RARB: variants seen among roughly 807,000 people sequenced by gnomAD.
The protein encoded by RARB is HBV-activated protein.
A neutral mutation model predicts 51.9 loss-of-function variants in RARB; 17 were observed. The observed-to-expected ratio is 0.33, with a 90% CI of 0.22 to 0.49. The LOEUF (loss-of-function observed/expected upper bound fraction) is 0.49, where lower values mean the gene tolerates loss of function less well. Ranked by LOEUF, RARB falls within the 20% of genes least tolerant of loss-of-function variation. The pLI is 0.99. For synonymous variants in RARB, 215 were observed against 195.4 expected (o/e 1.10, Z -0.84); for missense variants, 369 against 550.8 (o/e 0.67, Z 3.30).
intron 2 of RARB, among the ~76,000 whole-genome samples, chr3:24,864,384 C>T (rs752297035): frequency 4.8e-4 from 73 of 152,252 alleles, no homozygotes; most frequent in Non-Finnish European, 9.0e-4. Context: ...TGTTGGTAGG[C>T]CTCTGGATAC....
chr3:25,239,770 C>T (rs1357048432), intron 5 of RARB, among the ~76,000 whole-genome samples: 1 of 152,008 alleles, frequency 6.6e-6, no homozygotes, highest in Non-Finnish European at 1.5e-5. Context: ...TTCAGGGTTG[C>T]TTTGGTTATT....
intron 5 of RARB, among the ~76,000 whole-genome samples, chr3:25,405,511 G>T (rs1707381527): frequency 6.6e-6 from 1 of 152,194 alleles, no homozygotes; most frequent in South Asian, 2.1e-4. Context: ...CACCTGGCTT[G>T]TTATGTGGCT....
At chr3:25,502,190 G>A (rs749857377) in intron 3 of RARB, among the ~76,000 whole-genome samples, 75 of 152,146 alleles carry the variant, frequency 4.9e-4, no homozygotes, top group Non-Finnish European at 7.9e-4. Flanking sequence ...TGGGTGCTGC[G>A]TGGGGACCCT....
At chr3:24,974,874 C>G (rs561115593) in intron 2 of RARB, among the ~76,000 whole-genome samples, 1 of 152,196 alleles carries the variant, frequency 6.6e-6, no homozygotes, top group South Asian at 2.1e-4. Flanking sequence ...GCTCTCTAGT[C>G]AGGGCTGTCC....
At chr3:25,118,983 A>G (rs1350840729) in intron 3 of RARB, among the ~76,000 whole-genome samples, 1 of 152,152 alleles carries the variant, frequency 6.6e-6, no homozygotes, top group African/African-American at 2.4e-5. Flanking sequence ...GCTTTGACCA[A>G]TGTCATTCCC....
At chr3:24,922,066 G>C (rs936483192) in intron 2 of RARB, among the ~76,000 whole-genome samples, 1 of 152,158 alleles carries the variant, frequency 6.6e-6, no homozygotes, top group African/African-American at 2.4e-5. Flanking sequence ...ATTTTGCTAA[G>C]GTGTCATTTC....
intron 3 of RARB, among the ~76,000 whole-genome samples, chr3:25,125,304 A>G (rs1699843881): frequency 6.6e-6 from 1 of 152,206 alleles, no homozygotes; most frequent in South Asian, 2.1e-4. Context: ...TTCATTCAAC[A>G]AATAGTTATT....
chr3:25,104,167 C>T (rs948330664), intron 3 of RARB, among the ~76,000 whole-genome samples: 2 of 152,142 alleles, frequency 1.3e-5, no homozygotes, highest in African/African-American at 2.4e-5. Context: ...ATTAAAACCA[C>T]AATGTGATTA....
At chr3:24,903,267 A>C (rs905138486) in intron 2 of RARB, among the ~76,000 whole-genome samples, 2 of 152,082 alleles carry the variant, frequency 1.3e-5, no homozygotes, top group African/African-American at 4.8e-5. Context: ...AGGAAATAAT[A>C]ATCATAAAAA....
chr3:25,118,682 C>G (rs1699730800), intron 3 of RARB, among the ~76,000 whole-genome samples: 2 of 151,930 alleles, frequency 1.3e-5, no homozygotes. Context: ...AAATTAATAT[C>G]TTGCTGAAGT....
At position 24,863,456 on chromosome 3, in the gene RARB, G is replaced by A. The variant is rs570350236; in HGVS notation, c.-380+4704G>A. Among the ~76,000 whole-genome samples, 12 of 152,288 alleles carry A rather than the reference G, an allele frequency of 7.9e-5. 1 individual carries two copies. In the South Asian group the frequency reaches 1.9e-3, roughly 24 times the overall value. On this transcript the variant is annotated intron_variant, in intron 2 of 11. Coordinates refer to the RARB transcript ENST00000383772. ...TAATGGTTTAATGGTCATTTAGCAT[G>A]ATGGGCCTTTGGAGTGTAATATCAT...
At chr3:24,952,104 A>C (rs80021103) in intron 2 of RARB, among the ~76,000 whole-genome samples, 3 of 152,172 alleles carry the variant, frequency 2.0e-5, no homozygotes, top group Non-Finnish European at 2.9e-5. Context: ...AGCTGGGTGC[A>C]GTGGCTCATG....
intron 2 of RARB, among the ~76,000 whole-genome samples, chr3:24,932,350 A>C (rs1288009916): frequency 6.6e-6 from 1 of 151,740 alleles, no homozygotes; most frequent in African/African-American, 2.4e-5. Flanking sequence ...AAAATCTGGT[A>C]CTATGATATG....
intron 2 of RARB, among the ~76,000 whole-genome samples, chr3:24,955,563 G>A (rs1347884736): frequency 1.3e-5 from 2 of 152,194 alleles, no homozygotes; most frequent in African/African-American, 4.8e-5. Flanking sequence ...TTTGTCCTCT[G>A]AGGCTTTGCT....
intron 5 of RARB, among the ~76,000 whole-genome samples, chr3:25,315,433 C>G (rs1704397604): frequency 6.6e-6 from 1 of 152,154 alleles, no homozygotes; most frequent in African/African-American, 2.4e-5. Flanking sequence ...CCTCCCAGGT[C>G]TTGGAAGGGG....
intron 1 of RARB, among the ~76,000 whole-genome samples, chr3:24,847,270 A>T (rs1702496957): frequency 6.6e-6 from 1 of 152,210 alleles, no homozygotes. Flanking sequence ...AGGTGTGATA[A>T]TGTAACCAAT....
intron 3 of RARB, among the ~76,000 whole-genome samples, chr3:25,099,239 C>G (rs1699354682): frequency 6.6e-6 from 1 of 152,210 alleles, no homozygotes; most frequent in Admixed American, 6.5e-5. Flanking sequence ...TGGCCCCCTT[C>G]TTACCTTTTC....
chr3:24,973,553 A>C (rs1263990879), intron 2 of RARB, among the ~76,000 whole-genome samples: 1 of 152,016 alleles, frequency 6.6e-6, no homozygotes, highest in Non-Finnish European at 1.5e-5. Flanking sequence ...TGCTTTGTTT[A>C]GTAGTCTCAT....
chr3:25,591,751 GAC>G (rs1443116371), intron 5 of RARB, among the ~76,000 whole-genome samples: 1 of 152,196 alleles, frequency 6.6e-6, no homozygotes, highest in Non-Finnish European at 1.5e-5. Context: ...TAACCAATAA[GAC>G]ACTGAAGTCA....
Sources: gnomAD v4.1 joint callset for allele counts (sites outside exome capture counted in the v4.1 genomes callset) on GRCh38, gnomAD v4.1.1 for gene constraint, MANE v1.5 for transcripts, NCBI Gene and HGNC (gene_info 2026-07-23, HGNC 2026-07-21) for gene names.